Variants in FRMPD4 observed in about 807,000 individuals in gnomAD.
The protein encoded by FRMPD4 is FERM and PDZ domain-containing protein 4.
FRMPD4 carries 22 observed loss-of-function variants against 94.1 expected under a neutral mutation model. The observed-to-expected ratio is 0.23, with a 90% confidence interval of 0.17 to 0.33. FRMPD4 has a LOEUF of 0.33. Ranked by LOEUF, FRMPD4 falls within the 10% of genes least tolerant of loss-of-function variation. The probability of loss-of-function intolerance (pLI) is 1.00; values close to 1 mark genes in which losing one functional copy is unlikely to be tolerated. For missense variants in FRMPD4, 1,111 were observed against 1,339.9 expected (o/e 0.83, Z 2.67); for synonymous variants, 631 against 548.6 (o/e 1.15, Z -2.10).
At chrX:12,416,131 C>G (rs777658576) in intron 1 of FRMPD4, among the ~76,000 whole-genome samples, 1 of 110,503 alleles carries the variant, frequency 9.0e-6, no homozygotes, top group South Asian at 4.0e-4. Flanking sequence ...TCTTTCCTTC[C>G]TTCTCTTTCT....
At chrX:12,530,115 A>C (rs2058269159) in intron 2 of FRMPD4, among the ~76,000 whole-genome samples, 1 of 111,398 alleles carries the variant, frequency 9.0e-6, no homozygotes, top group African/African-American at 3.3e-5. Flanking sequence ...CTCCTTTGAC[A>C]CTCTTGTTTC....
At chrX:12,412,471 C>T (rs1398249627) in intron 1 of FRMPD4, among the ~76,000 whole-genome samples, 1 of 112,380 alleles carries the variant, frequency 8.9e-6, no homozygotes, top group Non-Finnish European at 1.9e-5. Context: ...GTTTGCTTAT[C>T]TCCTTTGGGA....
chrX:12,564,383 T>A (rs2058691343), intron 2 of FRMPD4, among the ~76,000 whole-genome samples: 1 of 112,395 alleles, frequency 8.9e-6, no homozygotes, highest in Non-Finnish European at 1.9e-5. Flanking sequence ...ATGACTCAGA[T>A]TTTTATTTTA....
intron 3 of FRMPD4, among the ~76,000 whole-genome samples, chrX:12,078,530 T>C (rs759862291): frequency 6.2e-5 from 7 of 112,117 alleles, no homozygotes; most frequent in Non-Finnish European, 1.3e-4. Flanking sequence ...CATCAAGTTC[T>C]AGATGCAGTA....
rs771261562 is a variant in FRMPD4, at chrX:12,221,006, C to T, written c.41+81994C>T. Among the ~76,000 whole-genome samples, 4 of 111,772 alleles carry T rather than the reference C, an allele frequency of 3.6e-5. No homozygotes were observed. In the South Asian group the frequency reaches 1.1e-3, roughly 31 times the overall value. On this transcript the variant is annotated intron_variant, in intron 1 of 16. Transcript: ENST00000675598. Reference sequence around the variant, plus strand: ...TTTCATGGGAATAAGCATTAATTCCCGTAGGTTCTGGGTTCCTGAAAAAGT... The same window carrying T: ...TTTCATGGGAATAAGCATTAATTCCTGTAGGTTCTGGGTTCCTGAAAAAGT...
At chrX:12,086,647 G>T (rs1047516242) in intron 3 of FRMPD4, among the ~76,000 whole-genome samples, 1 of 111,550 alleles carries the variant, frequency 9.0e-6, no homozygotes, top group African/African-American at 3.3e-5. Flanking sequence ...GTGACGTGGA[G>T]GGCCCTGCAA....
chrX:12,616,437 A>C (rs1434169408), intron 4 of FRMPD4, among the ~76,000 whole-genome samples: 1 of 111,967 alleles, frequency 8.9e-6, no homozygotes. Context: ...TAGCAGCTCA[A>C]ACAGACTAAG....
chrX:11,895,625 G>T (rs1052743190), intron 3 of FRMPD4, among the ~76,000 whole-genome samples: 1 of 112,009 alleles, frequency 8.9e-6, no homozygotes, highest in African/African-American at 3.2e-5. Flanking sequence ...CCCTGCTGCT[G>T]CTGGTAACAT....
intron 1 of FRMPD4, among the ~76,000 whole-genome samples, chrX:12,372,288 T>A (rs898049773): frequency 8.8e-6 from 1 of 113,202 alleles, no homozygotes; most frequent in African/African-American, 3.2e-5. Context: ...TCAGCCTTAC[T>A]CTGGTCTTTC....
At chrX:11,904,118 G>A (rs2053954082) in intron 3 of FRMPD4, among the ~76,000 whole-genome samples, 1 of 111,840 alleles carries the variant, frequency 8.9e-6, no homozygotes, top group African/African-American at 3.3e-5. Flanking sequence ...CAAATGTTAA[G>A]TGAAATAATC....
At chrX:12,043,509 T>A (rs1252335230) in intron 3 of FRMPD4, among the ~76,000 whole-genome samples, 2 of 111,516 alleles carry the variant, frequency 1.8e-5, no homozygotes, top group African/African-American at 6.5e-5. Flanking sequence ...TAATCAGAAT[T>A]TAATTATGTT....
chrX:12,218,614 G>A (rs1235680627), intron 1 of FRMPD4, among the ~76,000 whole-genome samples: 1 of 112,291 alleles, frequency 8.9e-6, no homozygotes, highest in African/African-American at 3.2e-5. Flanking sequence ...AGAGGAAATA[G>A]ATTCACTCTA....
intron 1 of FRMPD4, among the ~76,000 whole-genome samples, chrX:12,474,469 A>G (rs2057565077): frequency 8.9e-6 from 1 of 111,840 alleles, no homozygotes; most frequent in African/African-American, 3.3e-5. Context: ...TCAGAGCAGA[A>G]CTGAAGGAAA....
At chrX:11,854,481 G>A (rs575478476) in intron 1 of FRMPD4, among the ~76,000 whole-genome samples, 14 of 112,175 alleles carry the variant, frequency 1.2e-4, no homozygotes, top group African/African-American at 3.9e-4. Flanking sequence ...TTCTGCCTAT[G>A]AGCCTGTAAA....
chrX:12,265,994 G>A (rs1226260638), intron 1 of FRMPD4, among the ~76,000 whole-genome samples: 4 of 107,815 alleles, frequency 3.7e-5, no homozygotes, highest in Admixed American at 2.0e-4. Flanking sequence ...TTAGCCGGGC[G>A]CGGTGGCAGG....
intron 3 of FRMPD4, among the ~76,000 whole-genome samples, chrX:11,879,822 G>T (rs1198047395): frequency 9.0e-6 from 1 of 111,726 alleles, no homozygotes; most frequent in Admixed American, 9.5e-5. Context: ...CACAAGTGAC[G>T]CTAGTTCAGT....
chrX:12,148,257 G>A (rs1485005142), intron 1 of FRMPD4, among the ~76,000 whole-genome samples: 1 of 112,147 alleles, frequency 8.9e-6, no homozygotes, highest in Non-Finnish European at 1.9e-5. Flanking sequence ...GCTCTTGAAG[G>A]AAATTAAAAG....
chrX:12,003,596 GTGTTTCACCA>G (rs1165169171), intron 3 of FRMPD4, among the ~76,000 whole-genome samples: 1 of 111,566 alleles, frequency 9.0e-6, no homozygotes, highest in African/African-American at 3.3e-5. Flanking sequence ...CGTAGAGATG[GTGTTTCACCA>G]TGTTAACCAG....
intron 1 of FRMPD4, among the ~76,000 whole-genome samples, chrX:12,359,261 G>A (rs1416962479): frequency 1.8e-5 from 2 of 111,775 alleles, no homozygotes; most frequent in African/African-American, 6.5e-5. Context: ...AGCATATTAT[G>A]TGGGGGTGGG....
Sources: gnomAD v4.1 joint callset for allele counts (sites outside exome capture counted in the v4.1 genomes callset) on GRCh38, gnomAD v4.1.1 for gene constraint, MANE v1.5 for transcripts, NCBI Gene and HGNC (gene_info 2026-07-23, HGNC 2026-07-21) for gene names.